The following ZNF646 variants were observed in gnomAD, a reference collection of about 807,000 sequenced individuals.
The protein encoded by ZNF646 is zinc finger protein 646.
ZNF646 carries 49 observed loss-of-function variants against 115.4 expected under a neutral mutation model. The observed-to-expected ratio is 0.42, with a 90% CI of 0.34 to 0.54. The LOEUF (loss-of-function observed/expected upper bound fraction) is 0.54, where lower values mean the gene tolerates loss of function less well. ZNF646 is among the 20% of genes least tolerant of loss of function. The pLI is 0.04. For missense variants in ZNF646, 2,269 were observed against 2,457.9 expected, an observed-to-expected ratio of 0.92 and a Z score of 1.62; for synonymous variants, 933 against 939.0, an observed-to-expected ratio of 0.99 and a Z score of 0.12.
In ZNF646 at chr16:31,077,610, G is replaced by C. The variant is rs147030622; in HGVS notation, c.1286G>C (p.Gly429Ala). ...CGGGCTCATCACAGGCCCAGGCAAG[G>C]AGTTGGGGAAAATGGGCAGCCATCA... ...HVRAHHRPRQGVGENGQPSVP... is the reference protein window; with the variant it reads ...HVRAHHRPRQAVGENGQPSVP... The change falls in exon 2 of 3, where the codon GGA becomes GCA. Residue 429 changes from glycine to alanine, a missense_variant. Physicochemically the swap from Gly to Ala is moderately conservative, Grantham distance 60. This residue lies in a region of ZNF646 where 852 missense variants were observed against 900.2 expected (regional missense o/e 0.95). Coordinates refer to ENST00000300850, the MANE Select transcript of ZNF646 (RefSeq NM_014699.4). The C allele has an allele frequency of 1.7e-5, 27 of 1,613,654 alleles. No individual in the cohort carries two copies. In the African/African-American group the frequency reaches 1.9e-4, roughly 11 times the overall value.
In ZNF646 at chr16:31,076,439, G is replaced by A. The variant is rs747045714; in HGVS notation, c.115G>A (p.Glu39Lys). The A allele has an allele frequency of 1.2e-6, 2 of 1,614,014 alleles. No homozygotes were observed. Among genetic ancestry groups the A allele is most frequent in the Non-Finnish European group, 8.5e-7 (1 of 1,179,996 alleles). The change falls in exon 2 of 3, where the codon GAG (glutamate) becomes AAG (lysine). Residue 39 changes from glutamate to lysine, a missense_variant. Around this residue, in one of 5 missense-constraint regions of ZNF646, gnomAD observed 334 missense variants for 323.5 expected, o/e 1.03. Coordinates refer to ENST00000300850, the MANE Select transcript of ZNF646 (RefSeq NM_014699.4). ...CCATCCATCTCCCAACCAGGACAGT[G>A]AGGAGGCTGACAGCATCCCTCGGCC... ...LLHPSPNQDS[E>K]EADSIPRPYR...
chr16:31,076,776 AATC>A lies in ZNF646; in HGVS notation c.453_455del (p.Glu151_Ser152delinsAsp). On this transcript the variant is annotated inframe_deletion, in exon 2 of 3. Transcript: ENST00000300850. ...CATACAGAAGAGACACCTGACTGTG[AATC>A]TGTACCTGACCCCAGGGCAGCTTCG... is the stretch of plus-strand genomic sequence containing the variant. 1 of 1,613,958 alleles carries A rather than the reference AATC, an allele frequency of 6.2e-7. No homozygotes were observed. The highest frequency in any genetic ancestry group is 1.7e-5 in the Admixed American group (1 of 60,024).
At position 31,079,138 on chromosome 16, in the gene ZNF646, A is replaced by G. The variant is rs2057120397; in HGVS notation, c.2814A>G (p.Ala938=). The change falls in exon 2 of 3, where the codon GCA becomes GCG. Residue 938 remains alanine (A), a synonymous_variant. Coordinates refer to ENST00000300850, the MANE Select transcript of ZNF646 (RefSeq NM_014699.4). This position sits in a 1 kb window ranked among gnomAD's most constrained non-coding sequence, Gnocchi z 5.5. ...GTCCACCACTGCAGCTCTCGGAAGC[A>G]GAGCTGCTGAATCAGCTGCAGCGGG... is the stretch of plus-strand genomic sequence containing the variant. ...ARSPPLQLSE[A]ELLNQLQREV... 2 of 1,606,018 alleles carry G rather than the reference A, an allele frequency of 1.2e-6. No individual in the cohort carries two copies. The highest frequency in any genetic ancestry group is 1.7e-4 in the Middle Eastern group (1 of 6,032).
chr16:31,076,619 C>T lies in ZNF646; in HGVS notation c.295C>T (p.Pro99Ser), dbSNP rs199961738. Residue 99 changes from proline to serine, a missense_variant, in exon 2 of 3, where the codon CCT becomes TCT. By Grantham distance (74) the Pro-to-Ser change is moderately conservative (BLOSUM62 -1). Coordinates refer to ENST00000300850, the MANE Select transcript of ZNF646 (RefSeq NM_014699.4). The part of the protein sequence containing the change: ...ALKSHMRTHA[P>S]EGRRRHRPPR... ...CAAGAGCCATATGAGGACACATGCT[C>T]CTGAGGGCCGCCGCAGGCACAGGCC... 1.1e-4 allele frequency: 176 copies of T among 1,612,940 alleles called. No individual in the cohort carries two copies. The highest frequency in any genetic ancestry group is 2.8e-4 in the Admixed American group (17 of 59,978).
In ZNF646 at chr16:31,083,328, C is replaced by T; in HGVS notation, c.*236C>T. On this transcript the variant is annotated 3_prime_UTR_variant, in exon 3 of 3. Coordinates refer to ENST00000300850, the MANE Select transcript of ZNF646 (RefSeq NM_014699.4). ...ACCGTGCTCTTCTCAGCGCCACCCT[C>T]AGCAGCCAGATTGCAACACCAGGGA... is the stretch of plus-strand genomic sequence containing the variant. 1.0e-6 allele frequency: 1 copy of T among 982,016 alleles called. No individual in the cohort carries two copies. Among genetic ancestry groups the T allele is most frequent in the Non-Finnish European group, 1.4e-6 (1 of 702,642 alleles). 60.8% of individuals were successfully genotyped at this position (982,016 alleles called of 1,614,324 possible).
chr16:31,080,744 CAT>C lies in ZNF646; in HGVS notation c.4422_4423del (p.His1474GlnfsTer11), dbSNP rs1292857218. The C allele has an allele frequency of 1.2e-6, 2 of 1,613,548 alleles. No homozygotes were observed. Among genetic ancestry groups the C allele is most frequent in the Non-Finnish European group, 1.7e-6 (2 of 1,179,930 alleles). ...GCCGGTAGGTGGGGGACTGGGGAAT[CAT>C]AGTGGAGGCTGGGTTCCTCAGTTCC... ...GWPVGGGLGN[H>X]SGGWVPQFLT... On this transcript the variant is annotated frameshift_variant, in exon 2 of 3. Transcript: ENST00000300850. LOFTEE classifies it high-confidence loss of function.
intron 2 of ZNF646, chr16:31,082,068 T>G (rs561280861): frequency 2.5e-6 from 1 of 399,910 alleles, no homozygotes; most frequent in South Asian, 1.1e-4. Context: ...GCCAGTAAAG[T>G]AATGACTTCC....
chr16:31,076,208 T>C, intron 1 of ZNF646, 38 bp from the exon 2 acceptor site: 1 of 1,388,874 alleles, frequency 7.2e-7, no homozygotes, highest in Non-Finnish European at 9.6e-7. Context: ...GCGAAGTTAA[T>C]TCAGGCCTTC....
chr16:31,076,765 A>T lies in ZNF646; in HGVS notation c.441A>T (p.Thr147=). The part of the protein sequence containing the change: ...WENQTKHTEE[T]PDCESVPDPR... ...ACCAGACAAAACATACAGAAGAGAC[A>T]CCTGACTGTGAATCTGTACCTGACC... Residue 147 remains threonine, a synonymous_variant, in exon 2 of 3, where the codon ACA becomes ACT. Transcript: ENST00000300850. The T allele has an allele frequency of 6.2e-7, 1 of 1,613,842 alleles. No individual in the cohort carries two copies. Among genetic ancestry groups the T allele is most frequent in the Non-Finnish European group, 8.5e-7 (1 of 1,180,026 alleles).
Position 31,077,539 on chromosome 16 carries a change from C to T in ZNF646, c.1215C>T (p.Leu405=). The T allele has an allele frequency of 6.2e-7, 1 of 1,612,912 alleles. No individual in the cohort carries two copies. The highest frequency in any genetic ancestry group is 8.5e-7 in the Non-Finnish European group (1 of 1,179,320). The change falls in exon 2 of 3, where the codon CTC becomes CTT. Residue 405 remains leucine (L), a synonymous_variant. Transcript: ENST00000300850. ...SHQTGVYPCS[L]CSKQLFNAAA... The stretch of plus-strand genomic sequence containing the variant: ...AGACAGGTGTCTACCCCTGCTCACT[C>T]TGTTCTAAGCAGCTGTTCAATGCGG...
At chr16:31,082,020 A>AC (rs2057169333) in intron 2 of ZNF646, 2 of 439,412 alleles carry the variant, frequency 4.6e-6, no homozygotes, top group African/African-American at 2.0e-5. Context: ...GTCACTGGGT[A>AC]CCCCCTGGCT....
In ZNF646 at chr16:31,076,371, A is replaced by C; in HGVS notation, c.47A>C (p.His16Pro). 1 of 1,613,450 alleles carries C rather than the reference A, an allele frequency of 6.2e-7. No individual in the cohort carries two copies. The highest frequency in any genetic ancestry group is 8.5e-7 in the Non-Finnish European group (1 of 1,179,836). ...CTCAGCTGCTCCGACTGTCAGCGCC[A>C]CTTTCCCAGCCTCCCAGAGCTCTCT... The part of the protein sequence containing the change: ...PSLSCSDCQR[H>P]FPSLPELSRH... The change falls in exon 2 of 3, where the codon CAC (histidine) becomes CCC (proline). Residue 16 changes from histidine to proline, a missense_variant. By Grantham distance (77) the His-to-Pro change is moderately conservative (BLOSUM62 -2). Around this residue, in one of 5 missense-constraint regions of ZNF646, gnomAD observed 334 missense variants for 323.5 expected, o/e 1.03. Transcript: ENST00000300850.
rs377215360 is a variant in ZNF646 at position 31,077,754 on chromosome 16, G to A, written c.1430G>A (p.Arg477Gln). The A allele has an allele frequency of 8.7e-6, 14 of 1,613,924 alleles. No homozygotes were observed. The highest frequency in any genetic ancestry group is 4.4e-5 in the South Asian group (4 of 91,068). Residue 477 changes from arginine to glutamine, a missense_variant, in exon 2 of 3, where the codon CGG becomes CAG. Transcript: ENST00000300850. Reference protein sequence around the residue: ...CSECGRAYRHRGSLVNHRHSH... With the variant: ...CSECGRAYRHQGSLVNHRHSH... ...GAGTGTGGTCGTGCTTACCGCCACC[G>A]GGGGAGCCTGGTGAACCATCGCCAC... is the stretch of plus-strand genomic sequence containing the variant.
At chr16:31,074,094 A>T (rs1475668626), upstream of ZNF646, 1 of 152,246 alleles carries the variant, frequency 6.6e-6, no homozygotes, top group Non-Finnish European at 1.5e-5. Flanking sequence ...AGTTTTCTCC[A>T]TCTGCCTTGG....
chr16:31,083,065 G>A lies in ZNF646; in HGVS notation c.5472G>A (p.Trp1824Ter). 1.2e-6 allele frequency: 2 copies of A among 1,604,200 alleles called. No individual in the cohort carries two copies. The highest frequency in any genetic ancestry group is 1.3e-5 in the African/African-American group (1 of 74,164). Residue 1824 changes from tryptophan (W) to a stop codon, truncating the protein, a stop_gained, in exon 3 of 3, where the codon TGG becomes TGA. Coordinates refer to ENST00000300850, the MANE Select transcript of ZNF646 (RefSeq NM_014699.4). LOFTEE classifies it high-confidence loss of function. ...TTPLLDPSPQ[W>*]PADLSFSL ...CACTCCTGGATCCTTCACCCCAGTG[G>A]CCTGCAGACCTCAGCTTCTCCCTCT...
chr16:31,077,919 A>T lies in ZNF646; in HGVS notation c.1595A>T (p.His532Leu). The change falls in exon 2 of 3, where the codon CAC (histidine) becomes CTC (leucine). Residue 532 changes from histidine (H) to leucine (L), a missense_variant. Around this residue, in one of 5 missense-constraint regions of ZNF646, gnomAD observed 852 missense variants for 900.2 expected, o/e 0.95. Coordinates refer to ENST00000300850, the MANE Select transcript of ZNF646 (RefSeq NM_014699.4). ...ADIGAEGAPS[H>L]LKVELPPDPV... is the part of the protein sequence containing the mutation. ...ATCGGGGCTGAGGGTGCCCCCAGCC[A>T]CCTCAAGGTAGAACTCCCGCCTGAC... The T allele has an allele frequency of 6.2e-7, 1 of 1,613,740 alleles. No homozygotes were observed. Among genetic ancestry groups the T allele is most frequent in the South Asian group, 1.1e-5 (1 of 91,078 alleles).
rs749052820 is a variant in ZNF646 at position 31,076,540 on chromosome 16, T to G, written c.216T>G (p.Thr72=). Residue 72 remains threonine, a synonymous_variant, in exon 2 of 3, where the codon ACT becomes ACG. Coordinates refer to ENST00000300850, the MANE Select transcript of ZNF646 (RefSeq NM_014699.4). The part of the protein sequence containing the change: ...SLVNHRRTHE[T]GLFPCTTCGK... ...TTAACCATCGTCGGACCCACGAGAC[T>G]GGCCTTTTCCCCTGTACCACCTGTG... 6.2e-7 allele frequency: 1 copy of G among 1,612,562 alleles called. No homozygotes were observed. Among genetic ancestry groups the G allele is most frequent in the Non-Finnish European group, 8.5e-7 (1 of 1,179,064 alleles).
In ZNF646 at chr16:31,077,800, C is replaced by T. The variant is rs890675874; in HGVS notation, c.1476C>T (p.Tyr492=). The T allele has an allele frequency of 6.2e-7, 1 of 1,613,812 alleles. No individual in the cohort carries two copies. The highest frequency in any genetic ancestry group is 1.3e-5 in the African/African-American group (1 of 74,942). Residue 492 remains tyrosine (Y), a synonymous_variant, in exon 2 of 3, where the codon TAC becomes TAT. Transcript: ENST00000300850. ...NHRHSHRTGE[Y]QCSLCPRKYP... ...GCCACAGCCATCGGACTGGAGAGTACCAGTGCTCACTCTGTCCCCGCAAGT... is the reference window on the plus strand; with the variant it reads ...GCCACAGCCATCGGACTGGAGAGTATCAGTGCTCACTCTGTCCCCGCAAGT...
rs371615859 is a variant in ZNF646 at position 31,078,238 on chromosome 16, C to T, written c.1914C>T (p.Thr638=). The change falls in exon 2 of 3, where the codon ACC becomes ACT. Residue 638 remains threonine, a synonymous_variant. Transcript: ENST00000300850. The stretch of plus-strand genomic sequence containing the variant: ...GCAGCCTTATCAACCACAGGCAGAC[C>T]CACCAGACAGGAGACTTCAGTTGTG... ...HSGSLINHRQ[T]HQTGDFSCGA... is the part of the protein sequence containing the mutation. 2 of 1,613,914 alleles carry T rather than the reference C, an allele frequency of 1.2e-6. No homozygotes were observed. The highest frequency in any genetic ancestry group is 1.7e-6 in the Non-Finnish European group (2 of 1,180,042).
Sources: gnomAD v4.1 joint callset for allele counts on GRCh38, gnomAD v4.1.1 for gene constraint, gnomAD v4.1.1 regional missense constraint, Gnocchi (gnomAD v3.1) non-coding constraint, MANE v1.5 for transcripts, NCBI Gene and HGNC (gene_info 2026-07-23, HGNC 2026-07-21) for gene names.